ASTN2: variants seen among roughly 807,000 people sequenced by gnomAD.
ASTN2 encodes the protein astrotactin-2.
A neutral mutation model predicts 139.8 loss-of-function variants in ASTN2; 54 were observed. The ratio of observed to expected loss-of-function variants is 0.39; its 90% CI spans 0.31 to 0.48. The LOEUF (loss-of-function observed/expected upper bound fraction) is 0.48. Ranked by LOEUF, ASTN2 falls within the 20% of genes least tolerant of loss-of-function variation. The probability of loss-of-function intolerance (pLI) is 0.95; values close to 1 mark genes in which losing one functional copy is unlikely to be tolerated. For synonymous variants in ASTN2, 756 were observed against 719.5 expected (o/e 1.05, Z -0.81); for missense variants, 1,565 against 1,725.1 (o/e 0.91, Z 1.64).
intron 19 of ASTN2, among the ~76,000 whole-genome samples, chr9:116,602,397 G>T (rs1381527312): frequency 1.3e-5 from 2 of 152,062 alleles, no homozygotes; most frequent in Non-Finnish European, 2.9e-5. Context: ...GAGAAGGAGA[G>T]ATATAAAATA....
chr9:117,414,666 C>G lies in ASTN2; in HGVS notation c.273G>C (p.Gly91=). 2 of 1,266,256 alleles carry G rather than the reference C, an allele frequency of 1.6e-6. No homozygotes were observed. The highest frequency in any genetic ancestry group is 5.6e-5 in the South Asian group (2 of 35,764). The allele number at this position is 1,266,256 out of a possible 1,614,324, so 78.4% of individuals were successfully genotyped here. Reference sequence around the variant, plus strand: ...CGGCGGCTCCGGCCCCGGTCCCAGCCCCGGCCCCGGCGCGGGCGCCGCTCC... The same window carrying G: ...CGGCGGCTCCGGCCCCGGTCCCAGCGCCGGCCCCGGCGCGGGCGCCGCTCC... ...IGWSGARAGA[G]AGTGAGAAAA... The change falls in exon 1 of 23, where the codon GGG becomes GGC. Residue 91 remains glycine (G), a synonymous_variant. Coordinates refer to ENST00000313400, the MANE Select transcript of ASTN2 (RefSeq NM_001365068.1). This position sits in a 1 kb window ranked among gnomAD's most constrained non-coding sequence, Gnocchi z 4.2.
chr9:116,565,411 A>ATTTATTTATT (rs1588012243), intron 19 of ASTN2, among the ~76,000 whole-genome samples: 1 of 105,750 alleles, frequency 9.5e-6, no homozygotes, highest in African/African-American at 3.7e-5. Flanking sequence ...ATATATATAT[A>ATTTATTTATT]TATATATATA....
intron 11 of ASTN2, among the ~76,000 whole-genome samples, chr9:116,832,284 CCAATGGGTAAGT>C (rs1831835990): frequency 6.6e-6 from 1 of 152,076 alleles, no homozygotes; most frequent in Middle Eastern, 3.2e-3. Context: ...ATGTGATCTG[CCAATGGGTAAGT>C]CTTATAGTCT....
At chr9:117,165,331 A>G (rs1830646018) in intron 3 of ASTN2, among the ~76,000 whole-genome samples, 1 of 152,086 alleles carries the variant, frequency 6.6e-6, no homozygotes, top group Admixed American at 6.6e-5. Context: ...CTTACAGAAG[A>G]GCAAATGGAG....
At chr9:116,812,115 G>T (rs977075517) in intron 12 of ASTN2, among the ~76,000 whole-genome samples, 1 of 152,092 alleles carries the variant, frequency 6.6e-6, no homozygotes, top group African/African-American at 2.4e-5. Flanking sequence ...GCAAAGCTCA[G>T]TCCCACATTC....
chr9:116,643,959 CTG>C (rs1857465813), intron 17 of ASTN2, among the ~76,000 whole-genome samples: 1 of 152,196 alleles, frequency 6.6e-6, no homozygotes, highest in African/African-American at 2.4e-5. Context: ...AAGGCACAGT[CTG>C]TGTCTTGTTC....
At chr9:117,190,699 C>G (rs1002202358) in intron 3 of ASTN2, among the ~76,000 whole-genome samples, 2 of 152,104 alleles carry the variant, frequency 1.3e-5, no homozygotes, top group Non-Finnish European at 2.9e-5. Context: ...AAGCTGTTTC[C>G]TCAAATATTC....
intron 16 of ASTN2, among the ~76,000 whole-genome samples, chr9:116,677,105 A>G (rs2132006880): frequency 6.6e-6 from 1 of 152,334 alleles, no homozygotes; most frequent in South Asian, 2.1e-4. Flanking sequence ...AACAAACTAT[A>G]GATATATTTT....
intron 10 of ASTN2, among the ~76,000 whole-genome samples, chr9:116,933,084 A>C (rs1834954620): frequency 6.6e-6 from 1 of 151,782 alleles, no homozygotes; most frequent in South Asian, 2.1e-4. Flanking sequence ...CAAAAGACAA[A>C]TCTCCATCTC....
intron 13 of ASTN2, among the ~76,000 whole-genome samples, chr9:116,766,668 A>G (rs1280293627): frequency 1.3e-5 from 2 of 151,988 alleles, no homozygotes; most frequent in Admixed American, 6.6e-5. Context: ...CACATACACA[A>G]ATACACACAT....
chr9:116,479,102 G>C (rs1417365593), intron 20 of ASTN2, among the ~76,000 whole-genome samples: 1 of 148,698 alleles, frequency 6.7e-6, no homozygotes, highest in Admixed American at 6.7e-5. Context: ...GAGAAACGAA[G>C]ACCTCCAAAG....
At chr9:116,548,773 C>G (rs940773400) in intron 19 of ASTN2, among the ~76,000 whole-genome samples, 1 of 152,128 alleles carries the variant, frequency 6.6e-6, no homozygotes, top group African/African-American at 2.4e-5. Flanking sequence ...TGTGCCCGGC[C>G]TGGGGAAGGT....
chr9:116,477,937 G>A (rs1849041048), intron 20 of ASTN2, among the ~76,000 whole-genome samples: 1 of 150,846 alleles, frequency 6.6e-6, no homozygotes, highest in Non-Finnish European at 1.5e-5. Context: ...GGAGAGGGAA[G>A]TAGTGTCCAT....
intron 10 of ASTN2, among the ~76,000 whole-genome samples, chr9:116,904,048 C>T (rs796618597): frequency 4.6e-5 from 7 of 152,194 alleles, no homozygotes; most frequent in African/African-American, 1.4e-4. Context: ...TTCTGCTGTG[C>T]GCCACAGGGT....
intron 4 of ASTN2, among the ~76,000 whole-genome samples, chr9:117,127,741 C>T (rs1215205459): frequency 7.9e-6 from 1 of 126,116 alleles, no homozygotes; most frequent in Non-Finnish European, 1.6e-5. Flanking sequence ...AGTGCAGTGG[C>T]ACGATCTTGG....
intron 19 of ASTN2, among the ~76,000 whole-genome samples, chr9:116,517,827 G>A (rs905556836): frequency 6.6e-6 from 1 of 152,106 alleles, no homozygotes; most frequent in African/African-American, 2.4e-5. Context: ...CACAACTTCT[G>A]GAAATCAAGG....
At chr9:117,088,436 T>A (rs1338173374) in intron 5 of ASTN2, among the ~76,000 whole-genome samples, 1 of 152,172 alleles carries the variant, frequency 6.6e-6, no homozygotes, top group African/African-American at 2.4e-5. Flanking sequence ...GAGGCTTCAG[T>A]TCCCAAAGGC....
rs1409523503 is a variant in ASTN2 at position 117,133,826 on chromosome 9, AT to A, written c.1168+7499del. Among the ~76,000 whole-genome samples the A allele has an allele frequency of 2.0e-5, 3 of 152,264 alleles. No individual in the cohort carries two copies. The East Asian group carries it at 5.8e-4, about 30-fold the overall frequency. ...TTTGAAAGAAGAGTAGAATTTGCATATTGGCAATGGGAAAGAGGAAGAAGTT... is the reference window on the plus strand; with the variant it reads ...TTTGAAAGAAGAGTAGAATTTGCATATGGCAATGGGAAAGAGGAAGAAGTT... On this transcript the variant is annotated intron_variant, in intron 4 of 22. Coordinates refer to ENST00000313400, the MANE Select transcript of ASTN2 (RefSeq NM_001365068.1).
At chr9:117,142,370 C>G (rs930306222) in intron 3 of ASTN2, among the ~76,000 whole-genome samples, 11 of 152,154 alleles carry the variant, frequency 7.2e-5, no homozygotes, top group African/African-American at 2.7e-4. Flanking sequence ...GTGGTCTGAA[C>G]CAGGGCAGTG....
Sources: allele counts gnomAD v4.1 joint callset (sites outside exome capture counted in the v4.1 genomes callset), GRCh38; gene constraint gnomAD v4.1.1; non-coding constraint Gnocchi (gnomAD v3.1); transcripts MANE v1.5; gene names NCBI Gene and HGNC (gene_info 2026-07-23, HGNC 2026-07-21).